The following ELMOD3 variants were observed in gnomAD, a reference collection of about 807,000 sequenced individuals.
The protein encoded by ELMOD3 is ELMO domain-containing protein 3.
A neutral mutation model predicts 47.4 loss-of-function variants in ELMOD3; 36 were observed. That is an observed-to-expected ratio of 0.76 (90% CI 0.58 to 1.00). The LOEUF is 1.00. Among genes scored for constraint, ELMOD3 ranks in the 50% least tolerant of loss-of-function variants. ELMOD3 has a pLI of 0.00. For synonymous variants in ELMOD3, 149 were observed against 183.5 expected (o/e 0.81, Z 1.52); for missense variants, 404 against 463.8 (o/e 0.87, Z 1.18).
intron 4 of ELMOD3, among the ~76,000 whole-genome samples, chr2:85,359,441 T>C (rs1447914842): frequency 1.4e-5 from 2 of 143,428 alleles, no homozygotes; most frequent in Non-Finnish European, 3.0e-5. Flanking sequence ...GGAGTCTTGC[T>C]CTGTTGCCCA....
chr2:85,390,973 G>T lies in ELMOD3; in HGVS notation c.*11G>T. ...GTATGGCTGATCTGACCTCCGAGAT[G>T]AATGGAGGCTTAAAGGCTGAGCTGC... On this transcript the variant is annotated 3_prime_UTR_variant, in exon 14 of 14. Transcript: ENST00000409013. The T allele has an allele frequency of 6.5e-7, 1 of 1,548,724 alleles. No individual in the cohort carries two copies. Among genetic ancestry groups the T allele is most frequent in the South Asian group, 1.2e-5 (1 of 83,922 alleles).
chr2:85,369,862 C>G (rs371610953), intron 8 of ELMOD3, 32 bp downstream of exon 8: 1 of 1,610,306 alleles, frequency 6.2e-7, no homozygotes, highest in Non-Finnish European at 8.5e-7. Context: ...GAGTCTCAAG[C>G]AAAGTGCCTT....
chr2:85,364,827 T>TATATATATATATATATATATATATA (rs1558696769), intron 6 of ELMOD3, among the ~76,000 whole-genome samples: 1 of 58,114 alleles, frequency 1.7e-5, no homozygotes, highest in Non-Finnish European at 2.9e-5. Flanking sequence ...ATATATATAT[T>TATATATATATATATATATATATATA]TTTTTTTTTT....
In ELMOD3 at chr2:85,376,193, T is replaced by A. The variant is rs141001390; in HGVS notation, c.608-1151T>A. On this transcript the variant is annotated intron_variant, in intron 10 of 13. Coordinates refer to ENST00000409013, the MANE Select transcript of ELMOD3 (RefSeq NM_001135022.2). The surrounding 1 kb of genome is among the most constrained non-coding windows in gnomAD (Gnocchi z 4.2). ...AACAACTGTGTCATCTCTGTTGGTG[T>A]CTGTTGATCATCTTTTCTCATTCGA... Among the ~76,000 whole-genome samples, 327 of 152,344 alleles carry A rather than the reference T, an allele frequency of 2.1e-3. 4 individuals carry two copies. Among genetic ancestry groups the A allele is most frequent in the African/African-American group, 7.5e-3 (313 of 41,582 alleles).
At chr2:85,360,096 C>T (rs1340639370) in intron 4 of ELMOD3, among the ~76,000 whole-genome samples, 2 of 151,906 alleles carry the variant, frequency 1.3e-5, no homozygotes, top group African/African-American at 4.8e-5. Context: ...CCCGTCTCTA[C>T]TAAAAATACT....
rs1685173865 is a variant in ELMOD3, at chr2:85,376,470, C to T, written c.608-874C>T. The stretch of plus-strand genomic sequence containing the variant: ...GCCTGGCCAACATGGCTGGTGGGGC[C>T]AGGGGTGCCTCGTTACTCTTCCTAT... On this transcript the variant is annotated intron_variant, in intron 10 of 13. Transcript: ENST00000409013. The surrounding 1 kb of genome is among the most constrained non-coding windows in gnomAD (Gnocchi z 4.2). Among the ~76,000 whole-genome samples, 1 of 152,144 alleles carries T rather than the reference C, an allele frequency of 6.6e-6. No individual in the cohort carries two copies. Among genetic ancestry groups the T allele is most frequent in the Non-Finnish European group, 1.5e-5 (1 of 68,032 alleles).
intron 4 of ELMOD3, among the ~76,000 whole-genome samples, chr2:85,361,700 C>T (rs1467486279): frequency 1.3e-5 from 2 of 152,080 alleles, no homozygotes; most frequent in Admixed American, 6.6e-5. Context: ...GAGGCCGAGG[C>T]GGGTGGATCA....
intron 4 of ELMOD3, among the ~76,000 whole-genome samples, chr2:85,361,879 C>T (rs998966430): frequency 1.3e-5 from 2 of 150,974 alleles, no homozygotes; most frequent in Admixed American, 6.6e-5. Context: ...TGCAGTGAGC[C>T]GAGATCGTGC....
intron 11 of ELMOD3, among the ~76,000 whole-genome samples, chr2:85,388,865 C>T (rs544856527): frequency 6.6e-6 from 1 of 152,302 alleles, no homozygotes; most frequent in East Asian, 1.9e-4. Context: ...GATTTTTCTT[C>T]AACTGGGAAG....
intron 6 of ELMOD3, among the ~76,000 whole-genome samples, chr2:85,365,846 A>G (rs1311892625): frequency 1.3e-5 from 2 of 152,160 alleles, no homozygotes; most frequent in African/African-American, 4.8e-5. Context: ...CTGGTAGATG[A>G]GGCTCTGACA....
intron 6 of ELMOD3, among the ~76,000 whole-genome samples, chr2:85,366,030 T>C (rs1296526593): frequency 2.6e-5 from 4 of 152,006 alleles, no homozygotes; most frequent in South Asian, 2.1e-4. Flanking sequence ...GCAATCTTGG[T>C]TCACTGCAAC....
At chr2:85,387,142 T>A (rs1685987792) in intron 11 of ELMOD3, 3 of 1,299,480 alleles carry the variant, frequency 2.3e-6, no homozygotes, top group Non-Finnish European at 3.0e-6. Flanking sequence ...CAAGTATATA[T>A]GATCATTAAA....
intron 6 of ELMOD3, among the ~76,000 whole-genome samples, chr2:85,364,371 G>A (rs1308412259): frequency 6.6e-6 from 1 of 151,880 alleles, no homozygotes; most frequent in Admixed American, 6.6e-5. Context: ...AAATCACGAG[G>A]TCAGGAGTTC....
intron 4 of ELMOD3, among the ~76,000 whole-genome samples, chr2:85,359,053 A>C (rs983669718): frequency 6.6e-6 from 1 of 152,236 alleles, no homozygotes; most frequent in Non-Finnish European, 1.5e-5. Context: ...CTTTATGGCC[A>C]TATAGTATCT....
At chr2:85,377,153 G>A (rs1685213958) in intron 10 of ELMOD3, among the ~76,000 whole-genome samples, 191 bp from the exon 11 acceptor site, 1 of 152,192 alleles carries the variant, frequency 6.6e-6, no homozygotes, top group Non-Finnish European at 1.5e-5. Context: ...CCAGGGCGCT[G>A]GGGTCCCCAT....
chr2:85,389,238 G>C (rs1026587441), intron 11 of ELMOD3, among the ~76,000 whole-genome samples: 30 of 152,216 alleles, frequency 2.0e-4, no homozygotes, highest in African/African-American at 7.0e-4. Flanking sequence ...CCCCAAGTCA[G>C]GATGACCTTC....
chr2:85,378,812 T>C (rs1685346676), intron 11 of ELMOD3, among the ~76,000 whole-genome samples: 1 of 152,204 alleles, frequency 6.6e-6, no homozygotes, highest in South Asian at 2.1e-4. Flanking sequence ...AAAATGAATC[T>C]CTGGTCTTAG....
Position 85,354,802 on chromosome 2 carries a change from C to G in ELMOD3, c.-399C>G. 1 of 307,046 alleles carries G rather than the reference C, an allele frequency of 3.3e-6. No homozygotes were observed. The highest frequency in any genetic ancestry group is 6.1e-6 in the Non-Finnish European group (1 of 164,244). 19.0% of individuals were successfully genotyped at this position (307,046 alleles called of 1,614,324 possible). On this transcript the variant is annotated 5_prime_UTR_variant, in exon 1 of 14. Coordinates refer to ENST00000409013, the MANE Select transcript of ELMOD3 (RefSeq NM_001135022.2). ...ATGAGGCCTAGCCGAGGCGGCGGGA[C>G]CCCCAAGTTTGGAAAGCTCTTTTAA... is the stretch of plus-strand genomic sequence containing the variant.
At chr2:85,358,996 G>A (rs1213754799) in intron 4 of ELMOD3, among the ~76,000 whole-genome samples, 2 of 152,146 alleles carry the variant, frequency 1.3e-5, no homozygotes, top group Non-Finnish European at 2.9e-5. Flanking sequence ...AATACATCAC[G>A]GAAATTGTCC....
Sources: gnomAD v4.1 joint callset for allele counts (sites outside exome capture counted in the v4.1 genomes callset) on GRCh38, gnomAD v4.1.1 for gene constraint, Gnocchi (gnomAD v3.1) non-coding constraint, MANE v1.5 for transcripts, NCBI Gene and HGNC (gene_info 2026-07-23, HGNC 2026-07-21) for gene names.